Variants in RERE observed in about 807,000 individuals in gnomAD.
RERE encodes the protein arginine-glutamic acid dipeptide repeats, also known as arginine-glutamic acid dipeptide repeats protein.
Under a neutral mutation model 146.1 loss-of-function variants are expected in RERE, and 40 were observed. The ratio of observed to expected loss-of-function variants is 0.27; its 90% CI spans 0.21 to 0.36. The LOEUF is 0.36. Ranked by LOEUF, RERE falls within the 10% of genes least tolerant of loss-of-function variation. The pLI is 1.00. For missense variants in RERE, 1,933 were observed against 2,138.7 expected (o/e 0.90, Z 1.90); for synonymous variants, 1,003 against 866.0 (o/e 1.16, Z -2.78).
chr1:8,529,287 C>CTTCTTTTTTTTTTTTTTT (rs1382281413), intron 7 of RERE, among the ~76,000 whole-genome samples: 5 of 102,446 alleles, frequency 4.9e-5, no homozygotes, highest in African/African-American at 1.5e-4. Context: ...GTTCTCCCTT[C>CTTCTTTTTTTTTTTTTTT]TTTTTTTTTT....
At chr1:8,645,102 A>G (rs1043927744) in intron 2 of RERE, among the ~76,000 whole-genome samples, 2 of 152,180 alleles carry the variant, frequency 1.3e-5, no homozygotes, top group Admixed American at 6.5e-5. Flanking sequence ...TAGGTTGTAT[A>G]GGAATTTTCT....
chr1:8,517,949 T>C (rs2124330985), intron 7 of RERE, among the ~76,000 whole-genome samples: 1 of 152,306 alleles, frequency 6.6e-6, no homozygotes, highest in East Asian at 1.9e-4. Flanking sequence ...GAGGTGGCGA[T>C]GGCAGGCAAA....
chr1:8,721,217 C>T (rs1184789185), intron 1 of RERE, among the ~76,000 whole-genome samples: 1 of 152,176 alleles, frequency 6.6e-6, no homozygotes, highest in Non-Finnish European at 1.5e-5. Flanking sequence ...AGCCCCTGAA[C>T]GACAGCCTGG....
chr1:8,412,628 A>G (rs1450368793), intron 12 of RERE, among the ~76,000 whole-genome samples: 1 of 152,258 alleles, frequency 6.6e-6, no homozygotes, highest in Non-Finnish European at 1.5e-5. Flanking sequence ...GACTGGCTCA[A>G]TAAACCTGCT....
intron 10 of RERE, among the ~76,000 whole-genome samples, chr1:8,483,805 AC>A (rs1484240471): frequency 6.6e-6 from 1 of 152,220 alleles, no homozygotes; most frequent in Non-Finnish European, 1.5e-5. Flanking sequence ...AAATAAGCAA[AC>A]AAACATGTAC....
chr1:8,726,217 T>C (rs1364532824), intron 1 of RERE, among the ~76,000 whole-genome samples: 2 of 138,490 alleles, frequency 1.4e-5, no homozygotes, highest in Non-Finnish European at 3.0e-5. Flanking sequence ...TGCAGCAGCG[T>C]AATTTCGGCT....
At chr1:8,790,901 T>C (rs1468903646) in intron 1 of RERE, among the ~76,000 whole-genome samples, 8 of 152,198 alleles carry the variant, frequency 5.3e-5, no homozygotes, top group South Asian at 2.1e-4. Flanking sequence ...TTTACTTCTT[T>C]AGGGAGACAG....
intron 6 of RERE, among the ~76,000 whole-genome samples, chr1:8,551,276 G>C (rs1296281616): frequency 6.6e-6 from 1 of 152,154 alleles, no homozygotes; most frequent in African/African-American, 2.4e-5. Context: ...ATAAACCCAA[G>C]AATGTTCCCC....
At chr1:8,703,076 A>AGCTGAGCCC (rs1401829219) in intron 1 of RERE, 1 of 151,898 alleles carries the variant, frequency 6.6e-6, no homozygotes, top group Non-Finnish European at 1.5e-5. Context: ...TGGCGGCGAG[A>AGCTGAGCCC]GCTGAGCCCG....
chr1:8,504,593 C>T (rs1160918430), intron 8 of RERE, among the ~76,000 whole-genome samples: 1 of 152,114 alleles, frequency 6.6e-6, no homozygotes. Flanking sequence ...GTGGCTCAGG[C>T]CTATAATCCC....
At chr1:8,392,905 C>T (rs1642932277) in intron 12 of RERE, among the ~76,000 whole-genome samples, 1 of 152,120 alleles carries the variant, frequency 6.6e-6, no homozygotes, top group Non-Finnish European at 1.5e-5. Context: ...TCTCTGGGGG[C>T]ATTTTCAAGG....
intron 12 of RERE, among the ~76,000 whole-genome samples, chr1:8,375,249 C>T (rs1272604122): frequency 6.6e-6 from 1 of 152,174 alleles, no homozygotes; most frequent in Non-Finnish European, 1.5e-5. Flanking sequence ...GAAATGGATA[C>T]CGAATTGCCA....
At chr1:8,513,604 C>A (rs1012555194) in intron 7 of RERE, among the ~76,000 whole-genome samples, 1 of 152,092 alleles carries the variant, frequency 6.6e-6, no homozygotes, top group East Asian at 1.9e-4. Flanking sequence ...CATAGTGAAA[C>A]CCTGTCTCGA....
rs1334915016 is a variant in RERE at position 8,796,000 on chromosome 1, A to AC, written c.-145+21159_-145+21160insG. Among the ~76,000 whole-genome samples the AC allele has an allele frequency of 4.3e-3, 453 of 104,862 alleles. 20 individuals are homozygous for AC. The highest frequency in any genetic ancestry group is 0.013 in the African/African-American group (432 of 32,824). The allele number at this position is 104,862 out of a possible 152,430, so 68.8% of individuals were successfully genotyped here. On this transcript the variant is annotated intron_variant, in intron 1 of 22. Coordinates refer to ENST00000400908, the MANE Select transcript of RERE (RefSeq NM_001042681.2). ...TCCGTCTCAAAAAAAAAAAAAAAAC[A>AC]AAACAAAACAGGAATTATGTAGCAT...
chr1:8,569,176 TAG>T (rs989121532), intron 4 of RERE, among the ~76,000 whole-genome samples: 3 of 150,092 alleles, frequency 2.0e-5, no homozygotes, highest in African/African-American at 7.4e-5. Flanking sequence ...TAGCTATTCG[TAG>T]AGAGTGTAAT....
At chr1:8,694,029 C>CAA (rs144018056) in intron 1 of RERE, among the ~76,000 whole-genome samples, 27,265 of 120,248 alleles carry the variant, frequency 0.23, 2,839 homozygotes, top group Middle Eastern at 0.28. Flanking sequence ...TTTTCTTTCC[C>CAA]AAAAAAAAAA....
intron 8 of RERE, 134 bp downstream of exon 8, chr1:8,508,493 A>G (rs1334523982): frequency 6.5e-5 from 44 of 681,408 alleles, no homozygotes; most frequent in Non-Finnish European, 1.1e-4. Flanking sequence ...GGAGGGTGGA[A>G]AAAAAACCTC....
At chr1:8,557,926 G>A (rs2124426182) in intron 4 of RERE, among the ~76,000 whole-genome samples, 1 of 152,180 alleles carries the variant, frequency 6.6e-6, no homozygotes, top group African/African-American at 2.4e-5. Context: ...TGACTGTCAA[G>A]GCTCATTAAG....
At chr1:8,630,934 T>C (rs1647027958) in intron 2 of RERE, among the ~76,000 whole-genome samples, 1 of 152,234 alleles carries the variant, frequency 6.6e-6, no homozygotes, top group African/African-American at 2.4e-5. Flanking sequence ...CCCTCTTTTT[T>C]AAACATAATA....
Sources: allele counts gnomAD v4.1 joint callset (sites outside exome capture counted in the v4.1 genomes callset), GRCh38; gene constraint gnomAD v4.1.1; transcripts MANE v1.5; gene names NCBI Gene and HGNC (gene_info 2026-07-23, HGNC 2026-07-21).